AFF3: variants seen among roughly 807,000 people sequenced by gnomAD.
AFF3 encodes the protein ALF transcription elongation factor 3, also known as AF4/FMR2 family member 3.
Under a neutral mutation model 129.7 loss-of-function variants are expected in AFF3, and 32 were observed. The ratio of observed to expected loss-of-function variants is 0.25; its 90% CI spans 0.19 to 0.33. The LOEUF is 0.33. AFF3 is among the 10% of genes least tolerant of loss of function. The pLI is 1.00. For missense variants in AFF3, 1,373 were observed against 1,592.0 expected, an observed-to-expected ratio of 0.86 and a Z score of 2.34; for synonymous variants, 644 against 635.4, an observed-to-expected ratio of 1.01 and a Z score of -0.20.
At chr2:99,891,989 A>AT (rs1306838724) in intron 7 of AFF3, among the ~76,000 whole-genome samples, 6 of 152,034 alleles carry the variant, frequency 3.9e-5, no homozygotes, top group African/African-American at 1.4e-4. Flanking sequence ...TGCCCGGCTC[A>AT]TTTTTTGTAT....
chr2:99,793,363 C>T (rs1685341813), intron 8 of AFF3, among the ~76,000 whole-genome samples: 1 of 152,210 alleles, frequency 6.6e-6, no homozygotes, highest in Admixed American at 6.5e-5. Flanking sequence ...AACATCTTTT[C>T]TTTGTAAATT....
At chr2:99,813,984 A>G (rs1306836650) in intron 8 of AFF3, among the ~76,000 whole-genome samples, 1 of 151,432 alleles carries the variant, frequency 6.6e-6, no homozygotes. Flanking sequence ...AAATACTCAA[A>G]GAAGGGGTGT....
At chr2:99,656,611 A>G (rs1338883982) in intron 12 of AFF3, among the ~76,000 whole-genome samples, 1 of 152,114 alleles carries the variant, frequency 6.6e-6, no homozygotes, top group Non-Finnish European at 1.5e-5. Flanking sequence ...TTCACGGTTT[A>G]ATTTCCTTCC....
intron 7 of AFF3, among the ~76,000 whole-genome samples, chr2:99,918,351 C>A (rs1695622607): frequency 6.6e-6 from 1 of 152,094 alleles, no homozygotes; most frequent in African/African-American, 2.4e-5. Context: ...ATTTGAAATA[C>A]CTTAAACTAG....
At chr2:99,726,934 T>C in intron 11 of AFF3, 143 bp downstream of exon 11, 4 of 761,446 alleles carry the variant, frequency 5.3e-6, no homozygotes, top group Non-Finnish European at 8.0e-6. Context: ...ACCCAAAGCA[T>C]TTAGAAAGAC....
intron 8 of AFF3, among the ~76,000 whole-genome samples, chr2:99,796,193 C>A (rs1034604697): frequency 5.3e-5 from 8 of 152,052 alleles, no homozygotes; most frequent in African/African-American, 1.9e-4. Flanking sequence ...CTAAACAAAC[C>A]TTCCAAAGTC....
chr2:99,880,297 G>A (rs1692613439), intron 7 of AFF3, among the ~76,000 whole-genome samples: 1 of 152,128 alleles, frequency 6.6e-6, no homozygotes, highest in African/African-American at 2.4e-5. Context: ...TTTGTGTCAC[G>A]CGCCCCTGGA....
At chr2:99,683,281 C>T (rs1425575891) in intron 11 of AFF3, among the ~76,000 whole-genome samples, 1 of 152,054 alleles carries the variant, frequency 6.6e-6, no homozygotes, top group Non-Finnish European at 1.5e-5. Context: ...AATGGAAAAA[C>T]GAGAGTGTTT....
chr2:100,058,182 G>T (rs928842123), intron 4 of AFF3, among the ~76,000 whole-genome samples: 1 of 152,164 alleles, frequency 6.6e-6, no homozygotes, highest in African/African-American at 2.4e-5. Flanking sequence ...TTATAAACAT[G>T]ATTTCATGGA....
intron 1 of AFF3, among the ~76,000 whole-genome samples, chr2:100,132,569 CT>C: frequency 6.6e-6 from 1 of 152,096 alleles, no homozygotes; most frequent in Non-Finnish European, 1.5e-5. Flanking sequence ...GGTGCGGTAT[CT>C]TTTTTCCTCT....
chr2:99,943,411 G>A (rs28648026), intron 7 of AFF3, among the ~76,000 whole-genome samples: 6,174 of 152,240 alleles, frequency 0.041, 396 homozygotes, highest in African/African-American at 0.14. Flanking sequence ...TACCCATCAG[G>A]AAATGCACTA....
chr2:99,807,269 C>T (rs745730878), intron 8 of AFF3, among the ~76,000 whole-genome samples: 4 of 152,076 alleles, frequency 2.6e-5, no homozygotes, highest in Admixed American at 6.6e-5. Flanking sequence ...GCAGAGAAAA[C>T]GGAGTGGTGG....
At chr2:99,832,372 C>T (rs533357434) in intron 8 of AFF3, among the ~76,000 whole-genome samples, 242 of 152,290 alleles carry the variant, frequency 1.6e-3, no homozygotes, top group African/African-American at 5.6e-3. Context: ...CCAAAGCCTC[C>T]GGGCTCAGAA....
chr2:99,655,234 ACAC>A (rs1685644253), intron 12 of AFF3, among the ~76,000 whole-genome samples: 3 of 150,662 alleles, frequency 2.0e-5, no homozygotes, highest in African/African-American at 7.3e-5. Flanking sequence ...ACACACACAC[ACAC>A]ACACACACAC....
intron 7 of AFF3, among the ~76,000 whole-genome samples, chr2:99,943,816 C>T (rs1001092319): frequency 6.6e-6 from 1 of 152,132 alleles, no homozygotes; most frequent in Non-Finnish European, 1.5e-5. Context: ...GTGGAGTCTC[C>T]CGGTAATTTC....
At chr2:99,676,713 TCTATTTTCAGG>T (rs1310440655) in intron 11 of AFF3, among the ~76,000 whole-genome samples, 1 of 152,194 alleles carries the variant, frequency 6.6e-6, no homozygotes, top group Non-Finnish European at 1.5e-5. Flanking sequence ...GGCCATTTGC[TCTATTTTCAGG>T]CCATTTTGAA....
intron 2 of AFF3, among the ~76,000 whole-genome samples, chr2:100,124,541 G>A (rs1363687157): frequency 6.6e-6 from 1 of 152,168 alleles, no homozygotes; most frequent in Non-Finnish European, 1.5e-5. Context: ...GACTGAGATA[G>A]GAAGTTGTGG....
intron 16 of AFF3, among the ~76,000 whole-genome samples, chr2:99,583,459 T>G (rs1677779632): frequency 6.6e-6 from 1 of 152,200 alleles, no homozygotes; most frequent in Non-Finnish European, 1.5e-5. Flanking sequence ...CTTGGCTCAC[T>G]GTAGCCCTAA....
At chr2:100,069,809 G>A (rs1443937501) in intron 4 of AFF3, among the ~76,000 whole-genome samples, 1 of 152,092 alleles carries the variant, frequency 6.6e-6, no homozygotes, top group Non-Finnish European at 1.5e-5. Flanking sequence ...GTAATAGAAA[G>A]CCTATGATTT....
Sources: allele counts gnomAD v4.1 joint callset (sites outside exome capture counted in the v4.1 genomes callset), GRCh38; gene constraint gnomAD v4.1.1; transcripts MANE v1.5; gene names NCBI Gene and HGNC (gene_info 2026-07-23, HGNC 2026-07-21).